Variants in IMPG1 observed in about 807,000 individuals in gnomAD.
The protein encoded by IMPG1 is interphotoreceptor matrix proteoglycan 1.
IMPG1 carries 85 observed loss-of-function variants against 92.0 expected under a neutral mutation model. The ratio of observed to expected loss-of-function variants is 0.92; its 90% CI spans 0.78 to 1.11. The LOEUF (loss-of-function observed/expected upper bound fraction) is 1.11. IMPG1 is among the 50% of genes least tolerant of loss of function. The pLI, the probability that IMPG1 is intolerant of heterozygous loss-of-function variation, is 0.00. For missense variants in IMPG1, 1,022 were observed against 956.0 expected (o/e 1.07, Z -0.91); for synonymous variants, 367 against 334.1 (o/e 1.10, Z -1.08).
rs565435565 is a variant in IMPG1, at chr6:75,965,682, T to C, written c.1292-14588A>G. 4.9e-3 allele frequency among the ~76,000 whole-genome samples: 722 copies of C among 147,730 alleles called. 4 individuals carry two copies. Among genetic ancestry groups the C allele is most frequent in the African/African-American group, 0.012 (478 of 40,024 alleles). ...GAGTGCAGTGTGGCCGGTCTTGGCT[T>C]ACTGCAAGCTCCGCCTCTGGGTTCA... is the stretch of plus-strand genomic sequence containing the variant. On this transcript the variant is annotated intron_variant, in intron 12 of 16. Coordinates refer to ENST00000369950, the MANE Select transcript of IMPG1 (RefSeq NM_001563.4).
chr6:75,984,494 C>T (rs1782682520), intron 12 of IMPG1, among the ~76,000 whole-genome samples: 1 of 152,174 alleles, frequency 6.6e-6, no homozygotes, highest in Admixed American at 6.5e-5. Context: ...ATCTGACTTA[C>T]ACTGTATGAG....
intron 14 of IMPG1, among the ~76,000 whole-genome samples, chr6:75,938,172 T>G (rs1016754687): frequency 3.3e-5 from 5 of 152,234 alleles, no homozygotes; most frequent in African/African-American, 1.2e-4. Context: ...AGCACATTGC[T>G]TCTCCTACAT....
chr6:76,068,211 T>TA (rs144648126), intron 1 of IMPG1, among the ~76,000 whole-genome samples: 3,893 of 152,190 alleles, frequency 0.026, 139 homozygotes, highest in African/African-American at 0.086. Context: ...AAGAAAGAAA[T>TA]AAAGTATTCC....
intron 1 of IMPG1, among the ~76,000 whole-genome samples, chr6:76,045,016 C>T (rs1783912948): frequency 1.3e-5 from 2 of 152,264 alleles, no homozygotes; most frequent in South Asian, 2.1e-4. Context: ...TCAGTATTTC[C>T]CTATTCTCCA....
chr6:76,003,835 T>C, intron 11 of IMPG1, 39 bp downstream of exon 11: 1 of 1,480,212 alleles, frequency 6.8e-7, no homozygotes, highest in South Asian at 1.2e-5. Flanking sequence ...GTTTTGAGAC[T>C]TTGTTCCTAG....
Position 76,003,865 on chromosome 6 carries a change from C to T in IMPG1, c.1212+9G>A. 3 of 1,606,124 alleles carry T rather than the reference C, an allele frequency of 1.9e-6. No homozygotes were observed. The highest frequency in any genetic ancestry group is 2.7e-5 in the African/African-American group (2 of 74,674). On this transcript the variant is annotated intron_variant, in intron 11 of 16. Transcript: ENST00000369950. ...TCCTAGTTAAAGAACAAAAGGACAA[C>T]AAACTTACCTCTGTTATAACAGCAA...
In IMPG1 at chr6:75,947,380, A is replaced by T; in HGVS notation, c.1978T>A (p.Phe660Ile). Residue 660 changes from phenylalanine to isoleucine, a missense_variant, in exon 14 of 17, where the codon TTT becomes ATT. Phe to Ile is a conservative substitution (Grantham distance 21). Around this residue, in one of 3 missense-constraint regions of IMPG1, gnomAD observed 332 missense variants for 346.2 expected, o/e 0.96. Coordinates refer to ENST00000369950, the MANE Select transcript of IMPG1 (RefSeq NM_001563.4). Reference sequence around the variant, plus strand: ...AGTTGTTGGGCTGCAGCAGAACGAAAATCCTCCAAGACCCCGTGCACAGCC... The same window carrying T: ...AGTTGTTGGGCTGCAGCAGAACGAATATCCTCCAAGACCCCGTGCACAGCC... ...TKAVHGVLED[F>I]RSAAAQQLHL... 6.2e-7 allele frequency: 1 copy of T among 1,613,994 alleles called. No individual in the cohort carries two copies. Among genetic ancestry groups the T allele is most frequent in the South Asian group, 1.1e-5 (1 of 91,074 alleles).
chr6:75,977,240 C>A (rs2149468197), intron 12 of IMPG1, among the ~76,000 whole-genome samples: 1 of 152,232 alleles, frequency 6.6e-6, no homozygotes, highest in East Asian at 1.9e-4. Context: ...TTTAATTAAT[C>A]TTTTCTTACA....
chr6:76,039,408 T>G (rs1320904789), intron 2 of IMPG1, among the ~76,000 whole-genome samples: 1 of 148,158 alleles, frequency 6.7e-6, no homozygotes, highest in African/African-American at 2.5e-5. Flanking sequence ...CAGGATGGAG[T>G]GCAGTGACGT....
intron 4 of IMPG1, among the ~76,000 whole-genome samples, chr6:76,027,682 A>G (rs560156406): frequency 8.9e-4 from 135 of 152,326 alleles, no homozygotes; most frequent in African/African-American, 3.1e-3. Flanking sequence ...AAAAGGTATT[A>G]TATGGTTTTT....
intron 16 of IMPG1, 37 bp from the exon 17 acceptor site, chr6:75,922,203 C>A (rs1331788805): frequency 1.2e-6 from 1 of 865,844 alleles, no homozygotes; most frequent in East Asian, 2.6e-5. Flanking sequence ...TAAGAAATGC[C>A]ACCCAAGGTC....
intron 15 of IMPG1, among the ~76,000 whole-genome samples, chr6:75,930,124 C>T (rs1277060823): frequency 6.6e-6 from 1 of 152,152 alleles, no homozygotes; most frequent in Non-Finnish European, 1.5e-5. Context: ...AAGTCTGGTT[C>T]CTGAATAGAG....
intron 12 of IMPG1, among the ~76,000 whole-genome samples, chr6:75,951,653 T>C (rs1782033780): frequency 6.6e-6 from 1 of 152,252 alleles, no homozygotes; most frequent in Non-Finnish European, 1.5e-5. Context: ...AATTATGCTT[T>C]TCCAAAATTG....
Position 76,061,220 on chromosome 6 carries a change from G to A in IMPG1, c.67+11202C>T, listed in dbSNP as rs141057746. Among the ~76,000 whole-genome samples, 32 of 152,292 alleles carry A rather than the reference G, an allele frequency of 2.1e-4. No homozygotes were observed. The South Asian group carries it at 3.5e-3, about 17-fold the overall frequency. On this transcript the variant is annotated intron_variant, in intron 1 of 16. Coordinates refer to ENST00000369950, the MANE Select transcript of IMPG1 (RefSeq NM_001563.4). ...AAGCAAATATATAATCTAATAAATG[G>A]TTTCAGGTGTGCTGCCACAGATTGT... is the stretch of plus-strand genomic sequence containing the variant.
intron 15 of IMPG1, among the ~76,000 whole-genome samples, chr6:75,924,474 AT>A (rs1781488281): frequency 9.8e-6 from 1 of 101,626 alleles, no homozygotes; most frequent in Non-Finnish European, 1.8e-5. Context: ...TATAAATATA[AT>A]TATATATTAT....
rs1784119689 is a variant in IMPG1 at position 76,056,314 on chromosome 6, TTTTCTTTACTTGAAAA to T, written c.68-14204_68-14189del. The stretch of plus-strand genomic sequence containing the variant: ...AAACTCAACAAATTAGAATTAGAAA[TTTTCTTTACTTGAAAA>T]TTTCTTTACTTGAAAAAGAAGTTGT... On this transcript the variant is annotated intron_variant, in intron 1 of 16. Coordinates refer to ENST00000369950, the MANE Select transcript of IMPG1 (RefSeq NM_001563.4). 2.6e-5 allele frequency among the ~76,000 whole-genome samples: 4 copies of T among 152,278 alleles called. No homozygotes were observed. In the South Asian group the frequency reaches 8.3e-4, roughly 32 times the overall value.
intron 12 of IMPG1, among the ~76,000 whole-genome samples, chr6:75,959,531 C>G (rs1782181183): frequency 6.6e-6 from 1 of 152,186 alleles, no homozygotes; most frequent in Non-Finnish European, 1.5e-5. Context: ...AAGCCTCTGA[C>G]TGGGGCTGCT....
intron 12 of IMPG1, among the ~76,000 whole-genome samples, chr6:75,955,090 A>G (rs1189547628): frequency 6.6e-6 from 1 of 152,226 alleles, no homozygotes; most frequent in East Asian, 1.9e-4. Context: ...TATCTTAGCC[A>G]TACAGGCTCT....
intron 1 of IMPG1, among the ~76,000 whole-genome samples, chr6:76,065,097 T>C (rs1784286911): frequency 6.6e-6 from 1 of 151,922 alleles, no homozygotes; most frequent in Admixed American, 6.6e-5. Context: ...AAAAATCCTG[T>C]CCAAATGCAA....
Sources: gnomAD v4.1 joint callset for allele counts (sites outside exome capture counted in the v4.1 genomes callset) on GRCh38, gnomAD v4.1.1 for gene constraint, gnomAD v4.1.1 regional missense constraint, MANE v1.5 for transcripts, NCBI Gene and HGNC (gene_info 2026-07-23, HGNC 2026-07-21) for gene names.